Variants in NLRP12 observed in about 807,000 individuals in gnomAD.
NLRP12 encodes the protein NLR family pyrin domain containing 12, also known as NACHT, LRR and PYD domains-containing protein 12.
A neutral mutation model predicts 91.2 loss-of-function variants in NLRP12; 108 were observed. The ratio of observed to expected loss-of-function variants is 1.18; its 90% confidence interval spans 1.01 to 1.39. The LOEUF is 1.39. Ranked by LOEUF, NLRP12 falls within the 40% of genes most tolerant of loss-of-function variation. The pLI is 0.00. For missense variants in NLRP12, 1,530 were observed against 1,352.7 expected, an observed-to-expected ratio of 1.13 and a Z score of -2.06; for synonymous variants, 613 against 566.7, an observed-to-expected ratio of 1.08 and a Z score of -1.16.
At chr19:53,798,153 G>T (rs1158197457) in intron 8 of NLRP12, 90 bp downstream of exon 8, 24 of 1,342,456 alleles carry the variant, frequency 1.8e-5, no homozygotes, top group Non-Finnish European at 2.5e-5. Context: ...AGTGAAGCAG[G>T]ATAGTTCATA....
rs771441641 is a variant in NLRP12, at chr19:53,811,229, T to C, written c.430A>G (p.Asn144Asp). ...TTGACACATTCCCCTAGGCGCGCAT[T>C]GCGGTCTTCCATGAGCCGGAATTTC... ...RRKFRLMEDR[N>D]ARLGECVNLS... Residue 144 changes from asparagine (N) to aspartate (D), a missense_variant, in exon 3 of 10, where the codon AAT (asparagine) becomes GAT (aspartate). Coordinates refer to ENST00000324134, the MANE Select transcript of NLRP12 (RefSeq NM_144687.4). 25 of 1,613,960 alleles carry C rather than the reference T, an allele frequency of 1.5e-5. No homozygotes were observed. Among genetic ancestry groups the C allele is most frequent in the Non-Finnish European group, 2.0e-5 (24 of 1,180,036 alleles).
rs1471536218 is a variant in NLRP12 at position 53,819,438 on chromosome 19, T to C, written c.289+4448A>G. Among the ~76,000 whole-genome samples the C allele has an allele frequency of 5.7e-4, 14 of 24,372 alleles. 1 individual carries two copies. The South Asian group carries it at 7.9e-3, about 14-fold the overall frequency. The allele number at this position is 24,372 out of a possible 152,430, so 16.0% of individuals were successfully genotyped here. On this transcript the variant is annotated intron_variant, in intron 1 of 9. Coordinates refer to ENST00000324134, the MANE Select transcript of NLRP12 (RefSeq NM_144687.4). Reference sequence around the variant, plus strand: ...ATATATATATATATATATATATATATATATATATATATATATATATGTGTG... The same window carrying C: ...ATATATATATATATATATATATATACATATATATATATATATATATGTGTG...
chr19:53,813,452 C>T (rs1019472643), intron 2 of NLRP12, among the ~76,000 whole-genome samples: 1 of 151,618 alleles, frequency 6.6e-6, no homozygotes, highest in Admixed American at 6.6e-5. Context: ...CAGGTGCCTG[C>T]CACCACGCCT....
At chr19:53,803,639 T>C in intron 6 of NLRP12, 1 of 384,968 alleles carries the variant, frequency 2.6e-6, no homozygotes, top group Non-Finnish European at 5.0e-6. Context: ...AGTGACGTGA[T>C]CTCAGCTCAC....
intron 1 of NLRP12, among the ~76,000 whole-genome samples, chr19:53,817,913 G>C (rs965478648): frequency 1.3e-5 from 2 of 151,566 alleles, no homozygotes; most frequent in East Asian, 3.9e-4. Context: ...CTCCGGAGTA[G>C]CTGGGATTAC....
At chr19:53,815,403 AT>A (rs2092143746) in intron 1 of NLRP12, among the ~76,000 whole-genome samples, 2 of 151,086 alleles carry the variant, frequency 1.3e-5, no homozygotes, top group South Asian at 4.2e-4. Flanking sequence ...TAATTTTTGT[AT>A]TTTTAGTAGA....
rs142063194 is a variant in NLRP12, at chr19:53,810,690, A to C, written c.969T>G (p.Leu323=). The change falls in exon 3 of 10, where the codon CTT becomes CTG. Residue 323 remains leucine, a synonymous_variant. Transcript: ENST00000324134. ...GCTTCTTCCGAATTAAGCTGTTAAG[A>C]AGCAGCTCCGTGGGCCGTTTCTCCT... is the stretch of plus-strand genomic sequence containing the variant. ...CWEEKRPTEL[L]LNSLIRKKLL... is the part of the protein sequence containing the mutation. 17,104 of 1,613,942 alleles carry C rather than the reference A, an allele frequency of 0.011. 144 individuals are homozygous for C. The highest frequency in any genetic ancestry group is 0.012 in the Non-Finnish European group (14,489 of 1,179,958).
intron 1 of NLRP12, 129 bp from the exon 2 acceptor site, chr19:53,815,117 G>A: frequency 1.3e-6 from 1 of 742,526 alleles, no homozygotes; most frequent in Admixed American, 1.9e-5. Flanking sequence ...GTTCAGTAGT[G>A]ACTGCATAGG....
Position 53,815,116 on chromosome 19 carries a change from T to C in NLRP12, c.290-128A>G. ...ACCCGCACCCCAGAATGTTCAGTAG[T>C]GACTGCATAGGCCGTGTGTGGGAAA... On this transcript the variant is annotated intron_variant, in intron 1 of 9. Coordinates refer to ENST00000324134, the MANE Select transcript of NLRP12 (RefSeq NM_144687.4). 3 of 753,802 alleles carry C rather than the reference T, an allele frequency of 4.0e-6. No individual in the cohort carries two copies. In the South Asian group the frequency reaches 4.3e-5, roughly 11 times the overall value. 46.7% of individuals were successfully genotyped at this position (753,802 alleles called of 1,614,324 possible). A position where few individuals can be genotyped will look rare whatever the true frequency, so the allele number is the denominator to read the frequency against.
chr19:53,813,299 C>CTTTTTTTTTTTTTTTTTTTT (rs1160039078), intron 2 of NLRP12, among the ~76,000 whole-genome samples: 61 of 86,000 alleles, frequency 7.1e-4, no homozygotes, highest in Non-Finnish European at 8.6e-4. Flanking sequence ...TTTTTCTTTT[C>CTTTTTTTTTTTTTTTTTTTT]TTTTTTTTTT....
At chr19:53,803,185 C>A (rs975800677) in intron 6 of NLRP12, among the ~76,000 whole-genome samples, 4 of 147,174 alleles carry the variant, frequency 2.7e-5, no homozygotes, top group Non-Finnish European at 4.5e-5. Flanking sequence ...ATCTCTGGAA[C>A]TTTTTTTTTT....
chr19:53,811,365 A>C (rs2092073686), intron 2 of NLRP12, 77 bp from the exon 3 acceptor site: 16 of 1,533,096 alleles, frequency 1.0e-5, no homozygotes, highest in East Asian at 4.5e-5. Context: ...AGCGCTCCTC[A>C]TGTGGCTCAA....
chr19:53,810,517 GCATT>G lies in NLRP12; in HGVS notation c.1138_1141del (p.Asn380GlnfsTer11), dbSNP rs2092051246. On this transcript the variant is annotated frameshift_variant, in exon 3 of 10. Coordinates refer to ENST00000324134, the MANE Select transcript of NLRP12 (RefSeq NM_144687.4). LOFTEE classifies it high-confidence loss of function. ...ATTGAAGACTTGGCCCGCCTGCTCT[GCATT>G]GTGGAAATACTTGTAGAAGTATTCC... is the stretch of plus-strand genomic sequence containing the variant. The G allele has an allele frequency of 1.9e-6, 3 of 1,614,020 alleles. No homozygotes were observed. Among genetic ancestry groups the G allele is most frequent in the Non-Finnish European group, 2.5e-6 (3 of 1,180,038 alleles).
chr19:53,803,932 T>G lies in NLRP12; in HGVS notation c.2585+20A>C. On this transcript the variant is annotated intron_variant, in intron 6 of 9. Coordinates refer to ENST00000324134, the MANE Select transcript of NLRP12 (RefSeq NM_144687.4). Reference sequence around the variant, plus strand: ...AAGAGATTTGCCATTTTATTATAGTTGACCCCAGGAAGAACTCACCACAAA... The same window carrying G: ...AAGAGATTTGCCATTTTATTATAGTGGACCCCAGGAAGAACTCACCACAAA... 2.5e-6 allele frequency: 4 copies of G among 1,611,738 alleles called. No individual in the cohort carries two copies. In the East Asian group the frequency reaches 8.9e-5, roughly 36 times the overall value.
chr19:53,803,852 G>C, intron 6 of NLRP12, 100 bp downstream of exon 6: 1 of 1,201,420 alleles, frequency 8.3e-7, no homozygotes, highest in Non-Finnish European at 1.2e-6. Context: ...GGGATTACAG[G>C]CGTGAGCCAC....
At chr19:53,796,863 G>A (rs539219481) in intron 8 of NLRP12, among the ~76,000 whole-genome samples, 5 of 148,962 alleles carry the variant, frequency 3.4e-5, no homozygotes, top group Middle Eastern at 3.5e-3. Flanking sequence ...GGGTGGTGGC[G>A]CATGCCTGTA....
chr19:53,808,407 C>T (rs1276669566), intron 3 of NLRP12: 1 of 155,536 alleles, frequency 6.4e-6, no homozygotes, highest in Non-Finnish European at 1.4e-5. Context: ...CTTCTGTCTA[C>T]AGAAGATTGT....
In NLRP12 at chr19:53,809,789, C is replaced by T; in HGVS notation, c.1870G>A (p.Glu624Lys). 6.2e-7 allele frequency: 1 copy of T among 1,613,952 alleles called. No individual in the cohort carries two copies. The stretch of plus-strand genomic sequence containing the variant: ...TGGCTCAGGGCCTGCTGGATAAACT[C>T]CTCCTCCTGGATCTCGTACAAGCAG... ...FSCLYEIQEE[E>K]FIQQALSHFQ... The change falls in exon 3 of 10, where the codon GAG (glutamate) becomes AAG (lysine). Residue 624 changes from glutamate to lysine, a missense_variant. By Grantham distance (56) the Glu-to-Lys change is moderately conservative (BLOSUM62 1). Transcript: ENST00000324134.
intron 2 of NLRP12, among the ~76,000 whole-genome samples, chr19:53,813,597 G>C (rs996736106): frequency 6.7e-6 from 1 of 148,974 alleles, no homozygotes; most frequent in South Asian, 2.1e-4. Context: ...CCACCATGCC[G>C]GGCGTGGCAA....
Sources: allele counts gnomAD v4.1 joint callset (sites outside exome capture counted in the v4.1 genomes callset), GRCh38; gene constraint gnomAD v4.1.1; transcripts MANE v1.5; gene names NCBI Gene and HGNC (gene_info 2026-07-23, HGNC 2026-07-21).